SRRM3: variants seen among roughly 807,000 people sequenced by gnomAD.
SRRM3 encodes serine/arginine repetitive matrix protein 3.
Under a neutral mutation model 66.2 loss-of-function variants are expected in SRRM3, and 27 were observed. The observed-to-expected ratio is 0.41, with a 90% CI of 0.30 to 0.56. SRRM3 has a LOEUF of 0.56. Among genes scored for constraint, SRRM3 ranks in the 20% least tolerant of loss-of-function variants. The probability of loss-of-function intolerance (pLI) is 0.32; values close to 1 mark genes in which losing one functional copy is unlikely to be tolerated. For missense variants in SRRM3, 918 were observed against 991.9 expected (o/e 0.93, Z 1.00); for synonymous variants, 391 against 414.9 (o/e 0.94, Z 0.70).
chr7:76,262,794 C>T (rs1249843615), intron 8 of SRRM3, among the ~76,000 whole-genome samples: 8 of 149,022 alleles, frequency 5.4e-5, no homozygotes, highest in Non-Finnish European at 8.9e-5. Context: ...CCAGTCTGGG[C>T]GACAGAGCAA....
chr7:76,273,765 C>CT (rs1173431726), intron 11 of SRRM3, among the ~76,000 whole-genome samples: 1 of 152,082 alleles, frequency 6.6e-6, no homozygotes, highest in East Asian at 1.9e-4. Flanking sequence ...GTAACTTGCA[C>CT]TTTCTTCAAA....
At chr7:76,271,697 C>G (rs1369141483) in intron 11 of SRRM3, among the ~76,000 whole-genome samples, 1 of 152,154 alleles carries the variant, frequency 6.6e-6, no homozygotes, top group East Asian at 1.9e-4. Context: ...ACTCTGACCT[C>G]TAGACTCCAG....
intron 3 of SRRM3, among the ~76,000 whole-genome samples, chr7:76,252,891 C>T (rs1437067798): frequency 6.6e-6 from 1 of 151,898 alleles, no homozygotes; most frequent in African/African-American, 2.4e-5. Flanking sequence ...AGGCCAGGCG[C>T]GGTGGCTCAC....
In SRRM3 at chr7:76,235,292, G is replaced by C; in HGVS notation, c.226G>C (p.Glu76Gln). The change falls in exon 2 of 15, where the codon GAG (glutamate) becomes CAG (glutamine). Residue 76 changes from glutamate to glutamine, a missense_variant. By Grantham distance (29) the Glu-to-Gln change is conservative. Transcript: ENST00000611745. ...CATGGAGCTGCAGGAGATGATGGAG[G>C]AGCAGGGGTGAGCAGGCCGCGGGGC... ...KCMELQEMME[E>Q]QGYSEEEIRQ... is the part of the protein sequence containing the mutation. 1 of 1,507,964 alleles carries C rather than the reference G, an allele frequency of 6.6e-7. No homozygotes were observed. 93.4% of individuals were successfully genotyped at this position (1,507,964 alleles called of 1,614,324 possible).
At chr7:76,225,456 T>A (rs1450807621) in intron 1 of SRRM3, among the ~76,000 whole-genome samples, 1 of 151,778 alleles carries the variant, frequency 6.6e-6, no homozygotes, top group African/African-American at 2.4e-5. Context: ...AGAGGAACGG[T>A]GCTGCCCCCC....
At chr7:76,251,402 T>C (rs1554606874) in intron 3 of SRRM3, among the ~76,000 whole-genome samples, 1 of 145,984 alleles carries the variant, frequency 6.9e-6, no homozygotes, top group Non-Finnish European at 1.5e-5. Flanking sequence ...TGAGACGGAG[T>C]CTCGCTCTGT....
At chr7:76,261,466 G>A in intron 7 of SRRM3, 52 bp downstream of exon 7, 16 of 1,599,234 alleles carry the variant, frequency 1.0e-5, no homozygotes, top group Non-Finnish European at 1.4e-5. Context: ...GTGGGGCCCA[G>A]GGCCAGGGCT....
intron 3 of SRRM3, among the ~76,000 whole-genome samples, chr7:76,251,384 T>C (rs967752915): frequency 6.6e-6 from 1 of 151,920 alleles, no homozygotes; most frequent in Non-Finnish European, 1.5e-5. Context: ...CACTTTTTTT[T>C]TTTTTTTTGA....
intron 1 of SRRM3, among the ~76,000 whole-genome samples, chr7:76,221,971 A>C (rs1800734195): frequency 6.6e-6 from 1 of 152,190 alleles, no homozygotes. Flanking sequence ...TACTTATATT[A>C]ACCCCATTTT....
At chr7:76,216,892 C>T (rs1197399649) in intron 1 of SRRM3, among the ~76,000 whole-genome samples, 1 of 152,192 alleles carries the variant, frequency 6.6e-6, no homozygotes, top group Non-Finnish European at 1.5e-5. Context: ...GCCCCCAGCC[C>T]GACTCTCTCT....
chr7:76,235,197 C>T lies in SRRM3; in HGVS notation c.131C>T (p.Pro44Leu), dbSNP rs1554604678. ...RAEEELRAAE[P>L]GLVKRAHREI... Reference sequence around the variant, plus strand: ...GAAGAGGAGCTGCGCGCCGCGGAGCCGGGCCTGGTGAAGCGCGCGCACCGC... The same window carrying T: ...GAAGAGGAGCTGCGCGCCGCGGAGCTGGGCCTGGTGAAGCGCGCGCACCGC... Residue 44 changes from proline to leucine, a missense_variant, in exon 2 of 15, where the codon CCG becomes CTG. Coordinates refer to ENST00000611745, the MANE Select transcript of SRRM3 (RefSeq NM_001110199.3). The T allele has an allele frequency of 2.0e-6, 3 of 1,533,218 alleles. No homozygotes were observed. Among genetic ancestry groups the T allele is most frequent in the East Asian group, 2.5e-5 (1 of 39,896 alleles). The allele number at this position is 1,533,218 out of a possible 1,614,324, so 95.0% of individuals were successfully genotyped here.
chr7:76,221,003 G>A (rs1169862972), intron 1 of SRRM3, among the ~76,000 whole-genome samples: 1 of 151,432 alleles, frequency 6.6e-6, no homozygotes, highest in Non-Finnish European at 1.5e-5. Flanking sequence ...GGCTCTGCCC[G>A]CTCCCTGAGC....
intron 1 of SRRM3, among the ~76,000 whole-genome samples, chr7:76,229,110 G>A (rs758118904): frequency 8.6e-5 from 13 of 151,926 alleles, no homozygotes; most frequent in Non-Finnish European, 1.8e-4. Flanking sequence ...ATGTTAGCCA[G>A]GATGGTCTCG....
intron 14 of SRRM3, among the ~76,000 whole-genome samples, chr7:76,284,543 AAG>A (rs2117126000): frequency 6.6e-6 from 1 of 152,156 alleles, no homozygotes; most frequent in Admixed American, 6.5e-5. Flanking sequence ...CCAAGGAACA[AAG>A]AGCCATTTTG....
In SRRM3 at chr7:76,244,393, C is replaced by T. The variant is rs544956545; in HGVS notation, c.234-3795C>T. Among the ~76,000 whole-genome samples, 167 of 152,038 alleles carry T rather than the reference C, an allele frequency of 1.1e-3. 1 individual carries two copies. The highest frequency in any genetic ancestry group is 3.4e-3 in the Middle Eastern group (1 of 294). On this transcript the variant is annotated intron_variant, in intron 2 of 14. Coordinates refer to ENST00000611745, the MANE Select transcript of SRRM3 (RefSeq NM_001110199.3). ...TACAAAAATTAGCTGGGCATGGTGG[C>T]GGATGCCTGTAGTCCCAGCTACCCG...
chr7:76,282,591 C>CTGCG, intron 12 of SRRM3, 57 bp from the exon 13 acceptor site: 1 of 1,007,962 alleles, frequency 9.9e-7, no homozygotes, highest in Non-Finnish European at 1.3e-6. Flanking sequence ...ACCCTCCCCG[C>CTGCG]CCCCAGCCCC....
intron 9 of SRRM3, among the ~76,000 whole-genome samples, chr7:76,265,022 C>T (rs1801972692): frequency 6.6e-6 from 1 of 152,134 alleles, no homozygotes; most frequent in Non-Finnish European, 1.5e-5. Flanking sequence ...ATCCAGGGTC[C>T]TCCCAAGCCC....
chr7:76,264,015 G>A (rs1479228037), intron 8 of SRRM3, among the ~76,000 whole-genome samples: 2 of 151,604 alleles, frequency 1.3e-5, no homozygotes, highest in African/African-American at 4.8e-5. Flanking sequence ...CAGGAGGTAT[G>A]ATTATCAGGC....
At chr7:76,230,302 C>T (rs1800982611) in intron 1 of SRRM3, among the ~76,000 whole-genome samples, 2 of 152,038 alleles carry the variant, frequency 1.3e-5, no homozygotes, top group African/African-American at 4.8e-5. Flanking sequence ...ATCAATCAAC[C>T]AATTACAACA....
Sources: allele counts gnomAD v4.1 joint callset (sites outside exome capture counted in the v4.1 genomes callset), GRCh38; gene constraint gnomAD v4.1.1; transcripts MANE v1.5; gene names NCBI Gene and HGNC (gene_info 2026-07-23, HGNC 2026-07-21).